Variants in TMEM231 observed in about 807,000 individuals in gnomAD.
TMEM231 encodes transmembrane protein 231.
In TMEM231, 40 loss-of-function variants were observed where a neutral mutation model predicts 38.5. That is an observed-to-expected ratio of 1.04 (90% CI 0.81 to 1.35). The LOEUF is 1.35. Ranked by LOEUF, TMEM231 falls within the 40% of genes most tolerant of loss-of-function variation. The pLI is 0.00. For synonymous variants in TMEM231, 199 were observed against 181.7 expected, an observed-to-expected ratio of 1.10 and a Z score of -0.77; for missense variants, 420 against 416.9, an observed-to-expected ratio of 1.01 and a Z score of -0.07.
chr16:75,540,274 G>A, intron 6 of TMEM231, 100 bp from the exon 7 acceptor site: 3 of 1,227,882 alleles, frequency 2.4e-6, no homozygotes, highest in Non-Finnish European at 3.3e-6. Context: ...AAGGAGGCAG[G>A]ACCTCTGTCA....
chr16:75,536,955 C>G lies in TMEM231; in HGVS notation c.*3039G>C, dbSNP rs147508123. 3 of 152,122 alleles carry G rather than the reference C, an allele frequency of 2.0e-5. No homozygotes were observed. Among genetic ancestry groups the G allele is most frequent in the Admixed American group, 6.5e-5 (1 of 15,276 alleles). The allele number at this position is 152,122 out of a possible 1,614,324, so 9.4% of individuals were successfully genotyped here. On this transcript the variant is annotated 3_prime_UTR_variant, in exon 7 of 7. Transcript: ENST00000258173. Reference sequence around the variant, plus strand: ...TGACCACCAGGGTGAAGCCCTGTCTCTACTAAAAACACAAAAATTAGCCGG... The same window carrying G: ...TGACCACCAGGGTGAAGCCCTGTCTGTACTAAAAACACAAAAATTAGCCGG...
rs749027754 is a variant in TMEM231 at position 75,540,197 on chromosome 16, G to A, written c.771-23C>T. The A allele has an allele frequency of 1.2e-5, 19 of 1,593,070 alleles. 1 individual carries two copies. In the South Asian group the frequency reaches 2.2e-4, roughly 18 times the overall value. On this transcript the variant is annotated intron_variant, in intron 6 of 6. Coordinates refer to ENST00000258173, the MANE Select transcript of TMEM231 (RefSeq NM_001077418.3). ...TAAGTATGGACAGTTAAGGAGTGAA[G>A]GGCCACATGGTGTTAAGTATGAAGA...
chr16:75,549,731 C>T (rs2080734992), intron 2 of TMEM231, among the ~76,000 whole-genome samples: 1 of 151,526 alleles, frequency 6.6e-6, no homozygotes. Context: ...TTTTTTGAGA[C>T]GAAGTCTTAC....
At chr16:75,544,855 C>A (rs968656979) in intron 4 of TMEM231, among the ~76,000 whole-genome samples, 1 of 151,658 alleles carries the variant, frequency 6.6e-6, no homozygotes, top group Non-Finnish European at 1.5e-5. Flanking sequence ...TGTACCTTCT[C>A]TGTAGTTTGA....
Position 75,555,509 on chromosome 16 carries a change from G to A in TMEM231, c.309+295C>T, listed in dbSNP as rs12599212. The A allele has an allele frequency of 0.13, 49,453 of 384,178 alleles. 9,209 individuals are homozygous for A. The highest frequency in any genetic ancestry group is 0.72 in the East Asian group (18,418 of 25,678). 23.8% of individuals were successfully genotyped at this position (384,178 alleles called of 1,614,324 possible). A position where few individuals can be genotyped will look rare whatever the true frequency, so the allele number is the denominator to read the frequency against. On this transcript the variant is annotated intron_variant, in intron 2 of 6. Coordinates refer to ENST00000258173, the MANE Select transcript of TMEM231 (RefSeq NM_001077418.3). The stretch of plus-strand genomic sequence containing the variant: ...ACCCTCCATCAGGCCAGGCCCGCGG[G>A]TGTGACCCGGGCAGACACAGGCTGC...
At chr16:75,548,449 A>T (rs772750848) in intron 2 of TMEM231, among the ~76,000 whole-genome samples, 19 of 152,216 alleles carry the variant, frequency 1.2e-4, no homozygotes, top group Non-Finnish European at 2.1e-4. Flanking sequence ...CTATAATGGT[A>T]AACAAAATAG....
intron 4 of TMEM231, 89 bp downstream of exon 4, chr16:75,545,263 C>A: frequency 1.3e-6 from 2 of 1,529,664 alleles, no homozygotes; most frequent in South Asian, 1.3e-5. Flanking sequence ...CCTGGCCTGA[C>A]ATTTCTACTT....
rs948710621 is a variant in TMEM231, at chr16:75,546,900, A to G, written c.310-946T>C. 2.0e-5 allele frequency among the ~76,000 whole-genome samples: 3 copies of G among 152,360 alleles called. 1 individual carries two copies. In the East Asian group the frequency reaches 5.8e-4, roughly 29 times the overall value. On this transcript the variant is annotated intron_variant, in intron 2 of 6. Coordinates refer to ENST00000258173, the MANE Select transcript of TMEM231 (RefSeq NM_001077418.3). ...AAAAAGGAAGCTATGTCAAATCAGCAAAGTATTAAAACCATATCTATTTGA... is the reference window on the plus strand; with the variant it reads ...AAAAAGGAAGCTATGTCAAATCAGCGAAGTATTAAAACCATATCTATTTGA...
Position 75,537,900 on chromosome 16 carries a change from T to C in TMEM231, c.*2094A>G, listed in dbSNP as rs1446222507. 6.6e-6 allele frequency: 1 copy of C among 152,216 alleles called. No homozygotes were observed. Among genetic ancestry groups the C allele is most frequent in the Non-Finnish European group, 1.5e-5 (1 of 68,048 alleles). The allele number at this position is 152,216 out of a possible 1,614,324, so 9.4% of individuals were successfully genotyped here. A position where few individuals can be genotyped will look rare whatever the true frequency, so the allele number is the denominator to read the frequency against. ...GACACAGTCATAATTATCCAACACG[T>C]AGATTTCACATGGCATGTGAATCCC... On this transcript the variant is annotated 3_prime_UTR_variant, in exon 7 of 7. Transcript: ENST00000258173.
At chr16:75,544,346 TA>T (rs2080658650) in intron 4 of TMEM231, among the ~76,000 whole-genome samples, 1 of 152,178 alleles carries the variant, frequency 6.6e-6, no homozygotes, top group Non-Finnish European at 1.5e-5. Context: ...GGCTTGGGGA[TA>T]TCTGAACAGG....
At position 75,555,830 on chromosome 16, in the gene TMEM231, C is replaced by G; in HGVS notation, c.283G>C (p.Asp95His). The G allele has an allele frequency of 7.7e-6, 12 of 1,564,908 alleles. No individual in the cohort carries two copies. Among genetic ancestry groups the G allele is most frequent in the Non-Finnish European group, 1.0e-5 (12 of 1,155,236 alleles). The change falls in exon 2 of 7, where the codon GAT (aspartate) becomes CAT (histidine). Residue 95 changes from aspartate to histidine, a missense_variant. Coordinates refer to ENST00000258173, the MANE Select transcript of TMEM231 (RefSeq NM_001077418.3). ...TFPAFNRLQG[D>H]RLRVPLVSTR... is the part of the protein sequence containing the mutation. The stretch of plus-strand genomic sequence containing the variant: ...GAAACGAGCGGGACGCGCAGGCGAT[C>G]CCCTTGCAGCCGGTTGAAGGCGGGG...
chr16:75,555,734 C>T, intron 2 of TMEM231, 70 bp downstream of exon 2: 2 of 1,402,998 alleles, frequency 1.4e-6, no homozygotes, highest in South Asian at 3.1e-5. Flanking sequence ...GCTCGCCCCA[C>T]ATCCTCATTC....
Position 75,555,982 on chromosome 16 carries a change from A to C in TMEM231, c.140-9T>G. On this transcript the variant is annotated splice_polypyrimidine_tract_variant and intron_variant, in intron 1 of 6. Transcript: ENST00000258173. ...CCGCTTCAGCCAAAACCCTGAGTTAAAGAGGGCGGTAGGGAGGCGGTTAGG... is the reference window on the plus strand; with the variant it reads ...CCGCTTCAGCCAAAACCCTGAGTTACAGAGGGCGGTAGGGAGGCGGTTAGG... The C allele has an allele frequency of 6.3e-7, 1 of 1,599,516 alleles. No homozygotes were observed. The highest frequency in any genetic ancestry group is 8.5e-7 in the Non-Finnish European group (1 of 1,173,300).
intron 2 of TMEM231, among the ~76,000 whole-genome samples, chr16:75,554,567 AAGAAAAG>A (rs374297956): frequency 3.3e-5 from 5 of 150,736 alleles, no homozygotes; most frequent in Non-Finnish European, 7.4e-5. Context: ...AAAAAAAGAA[AAGAAAAG>A]AAAAAAGAAA....
chr16:75,546,049 G>C (rs1252787162), intron 2 of TMEM231, 95 bp from the exon 3 acceptor site: 6 of 1,555,794 alleles, frequency 3.9e-6, no homozygotes, highest in Non-Finnish European at 5.2e-6. Flanking sequence ...CCACTGTCTT[G>C]CTGTACACAA....
intron 6 of TMEM231, 136 bp from the exon 7 acceptor site, chr16:75,540,310 C>A (rs1597036116): frequency 1.2e-6 from 1 of 845,382 alleles, no homozygotes; most frequent in Non-Finnish European, 1.7e-6. Context: ...GGAAGCTGAC[C>A]TGAACTTGGC....
intron 2 of TMEM231, among the ~76,000 whole-genome samples, chr16:75,552,954 G>C (rs1255020323): frequency 2.0e-5 from 3 of 152,122 alleles, no homozygotes; most frequent in Non-Finnish European, 4.4e-5. Flanking sequence ...GCCTCCTTGA[G>C]GCTTGAGGGG....
intron 4 of TMEM231, among the ~76,000 whole-genome samples, chr16:75,543,941 A>G (rs1369764153): frequency 6.6e-6 from 1 of 152,158 alleles, no homozygotes; most frequent in Admixed American, 6.5e-5. Flanking sequence ...TTTCATTTTC[A>G]GAAGTACCTC....
chr16:75,553,041 G>A (rs1249368405), intron 2 of TMEM231, among the ~76,000 whole-genome samples: 1 of 152,136 alleles, frequency 6.6e-6, no homozygotes, highest in African/African-American at 2.4e-5. Flanking sequence ...AACATGTAGG[G>A]AGCTTAGAGA....
Sources: allele counts gnomAD v4.1 joint callset (sites outside exome capture counted in the v4.1 genomes callset), GRCh38; gene constraint gnomAD v4.1.1; transcripts MANE v1.5; gene names NCBI Gene and HGNC (gene_info 2026-07-23, HGNC 2026-07-21).